RAB11FIP3: variants seen among roughly 807,000 people sequenced by gnomAD.
RAB11FIP3 encodes rab11 family-interacting protein 3.
RAB11FIP3 carries 17 observed loss-of-function variants against 77.8 expected under a neutral mutation model. The observed-to-expected ratio is 0.22, with a 90% CI of 0.15 to 0.33. The LOEUF is 0.33. Among genes scored for constraint, RAB11FIP3 ranks in the 10% least tolerant of loss-of-function variants. The pLI is 1.00. For synonymous variants in RAB11FIP3, 437 were observed against 448.2 expected, an observed-to-expected ratio of 0.98 and a Z score of 0.31; for missense variants, 1,005 against 1,011.2, an observed-to-expected ratio of 0.99 and a Z score of 0.08.
intron 1 of RAB11FIP3, chr16:439,287 T>G (rs952172536): frequency 2.0e-5 from 3 of 152,220 alleles, no homozygotes; most frequent in African/African-American, 7.2e-5. Flanking sequence ...CCGTCTGTCT[T>G]TCTGTCTGTT....
intron 9 of RAB11FIP3, among the ~76,000 whole-genome samples, chr16:513,959 T>C (rs1323486475): frequency 6.6e-6 from 1 of 152,174 alleles, no homozygotes; most frequent in Non-Finnish European, 1.5e-5. Context: ...AGGGAGCACC[T>C]CCCATGGGAC....
intron 1 of RAB11FIP3, among the ~76,000 whole-genome samples, chr16:436,562 A>C (rs999371795): frequency 6.6e-6 from 1 of 151,942 alleles, no homozygotes; most frequent in African/African-American, 2.4e-5. Context: ...GCTCACTGCA[A>C]GCTCCACCTC....
chr16:499,238 T>C (rs1398839703), intron 6 of RAB11FIP3, among the ~76,000 whole-genome samples: 7 of 152,006 alleles, frequency 4.6e-5, no homozygotes, highest in Non-Finnish European at 1.0e-4. Context: ...AAGAGAAGCA[T>C]TGAGCTCTTA....
intron 5 of RAB11FIP3, among the ~76,000 whole-genome samples, chr16:492,427 C>CGGGAGA (rs2030522723): frequency 2.1e-5 from 3 of 144,722 alleles, no homozygotes; most frequent in Non-Finnish European, 4.6e-5. Context: ...AGGGCCCTCC[C>CGGGAGA]CGGGAGACCC....
Position 520,896 on chromosome 16 carries a change from C to T in RAB11FIP3, c.*57C>T, listed in dbSNP as rs1280262861. The T allele has an allele frequency of 1.6e-5, 23 of 1,429,446 alleles. No individual in the cohort carries two copies. The highest frequency in any genetic ancestry group is 1.0e-4 in the South Asian group (9 of 87,140). The allele number at this position is 1,429,446 out of a possible 1,614,324, so 88.5% of individuals were successfully genotyped here. A position where few individuals can be genotyped will look rare whatever the true frequency, so the allele number is the denominator to read the frequency against. ...GGACTCCAACACCCTGGAGTGGTTCCGTCAGACCATGAGGAGCCAAGACCA... is the reference window on the plus strand; with the variant it reads ...GGACTCCAACACCCTGGAGTGGTTCTGTCAGACCATGAGGAGCCAAGACCA... On this transcript the variant is annotated 3_prime_UTR_variant, in exon 14 of 14. Transcript: ENST00000262305.
At chr16:517,544 C>T (rs1408968605) in intron 9 of RAB11FIP3, among the ~76,000 whole-genome samples, 1 of 151,876 alleles carries the variant, frequency 6.6e-6, no homozygotes, top group Non-Finnish European at 1.5e-5. Flanking sequence ...CTCTGGGTAA[C>T]AGAGCGAGAC....
chr16:502,947 G>A lies in RAB11FIP3; in HGVS notation c.1302-57G>A, dbSNP rs191369185. ...TTGACTTGGGAGTGCTTGTGCTGACGGAGCATGTCCTGTGGTTTTTCCCTT... is the reference window on the plus strand; with the variant it reads ...TTGACTTGGGAGTGCTTGTGCTGACAGAGCATGTCCTGTGGTTTTTCCCTT... On this transcript the variant is annotated intron_variant, in intron 6 of 13. Transcript: ENST00000262305. The A allele has an allele frequency of 8.6e-5, 117 of 1,368,192 alleles. No homozygotes were observed. The South Asian group carries it at 1.1e-3, about 13-fold the overall frequency. The allele number at this position is 1,368,192 out of a possible 1,614,324, so 84.8% of individuals were successfully genotyped here.
chr16:511,673 G>A (rs1355159893), intron 9 of RAB11FIP3, among the ~76,000 whole-genome samples: 2 of 121,732 alleles, frequency 1.6e-5, no homozygotes, highest in Admixed American at 1.6e-4. Context: ...TGCAGGCCAG[G>A]CAGGAGAGGT....
chr16:520,308 C>A, intron 12 of RAB11FIP3, 31 bp downstream of exon 12: 2 of 1,548,082 alleles, frequency 1.3e-6, no homozygotes, highest in Admixed American at 1.9e-5. Flanking sequence ...CTCCCTCACA[C>A]TCCTGCAGAA....
In RAB11FIP3 at chr16:507,542, C is replaced by T. The variant is rs1394427112; in HGVS notation, c.1499+1915C>T. ...AATCAGAGGCGTGAGCCACCATGTCCAGCCTAGATGCCTTTGTCGAGTTGA... is the reference window on the plus strand; with the variant it reads ...AATCAGAGGCGTGAGCCACCATGTCTAGCCTAGATGCCTTTGTCGAGTTGA... On this transcript the variant is annotated intron_variant, in intron 8 of 13. Coordinates refer to ENST00000262305, the MANE Select transcript of RAB11FIP3 (RefSeq NM_014700.4). The surrounding 1 kb of genome is among the most constrained non-coding windows in gnomAD (Gnocchi z 4.6). Among the ~76,000 whole-genome samples, 1 of 152,230 alleles carries T rather than the reference C, an allele frequency of 6.6e-6. No individual in the cohort carries two copies. Among genetic ancestry groups the T allele is most frequent in the African/African-American group, 2.4e-5 (1 of 41,452 alleles).
chr16:450,421 A>G (rs1003632639), intron 1 of RAB11FIP3, among the ~76,000 whole-genome samples: 6 of 152,164 alleles, frequency 3.9e-5, no homozygotes, highest in South Asian at 2.1e-4. Flanking sequence ...CCTGACCTCA[A>G]GTGATCCCCT....
At chr16:494,527 C>T (rs2030925511) in intron 5 of RAB11FIP3, among the ~76,000 whole-genome samples, 1 of 151,772 alleles carries the variant, frequency 6.6e-6, no homozygotes, top group African/African-American at 2.4e-5. Flanking sequence ...GAGGCTGAGG[C>T]CGGAGAATGG....
At chr16:470,828 G>A (rs1437637716) in intron 2 of RAB11FIP3, among the ~76,000 whole-genome samples, 2 of 152,138 alleles carry the variant, frequency 1.3e-5, no homozygotes, top group Non-Finnish European at 2.9e-5. Context: ...AAAACTGCGC[G>A]TGAACCCAGC....
In RAB11FIP3 at chr16:499,551, A is replaced by G. The variant is rs375687182; in HGVS notation, c.1301+2692A>G. Among the ~76,000 whole-genome samples, 49 of 152,316 alleles carry G rather than the reference A, an allele frequency of 3.2e-4. 2 individuals carry two copies. Among genetic ancestry groups the G allele is most frequent in the African/African-American group, 9.6e-4 (40 of 41,574 alleles). ...AGTGGCTCACGCCTGTAATCCCAGC[A>G]CATTGGGAAGCCAAGGTGGGTGGAT... On this transcript the variant is annotated intron_variant, in intron 6 of 13. Transcript: ENST00000262305.
chr16:473,963 C>A (rs1055675125), intron 3 of RAB11FIP3, among the ~76,000 whole-genome samples: 5 of 152,216 alleles, frequency 3.3e-5, no homozygotes, highest in Non-Finnish European at 4.4e-5. Flanking sequence ...TTTTCAGATG[C>A]GCCTCTTTCC....
At chr16:497,979 A>G (rs1432021156) in intron 6 of RAB11FIP3, among the ~76,000 whole-genome samples, 4 of 151,798 alleles carry the variant, frequency 2.6e-5, no homozygotes, top group Non-Finnish European at 5.9e-5. Flanking sequence ...ATTAAAAAAA[A>G]AAAAGGAAAA....
chr16:458,935 C>G (rs2055556134), intron 1 of RAB11FIP3, among the ~76,000 whole-genome samples: 1 of 152,096 alleles, frequency 6.6e-6, no homozygotes. Flanking sequence ...GGTACCCATC[C>G]CCAGTCACAG....
chr16:489,109 A>T, intron 5 of RAB11FIP3, 109 bp downstream of exon 5: 1 of 1,291,888 alleles, frequency 7.7e-7, no homozygotes. Flanking sequence ...GCTTTCCTTG[A>T]CGTCATGTGA....
At chr16:510,459 T>G in intron 8 of RAB11FIP3, 6 of 572,420 alleles carry the variant, frequency 1.0e-5, no homozygotes, top group Non-Finnish European at 1.5e-5. Context: ...CCAGGTGCCT[T>G]TAGTGTGGGA....
Sources: gnomAD v4.1 joint callset for allele counts (sites outside exome capture counted in the v4.1 genomes callset) on GRCh38, gnomAD v4.1.1 for gene constraint, Gnocchi (gnomAD v3.1) non-coding constraint, MANE v1.5 for transcripts, NCBI Gene and HGNC (gene_info 2026-07-23, HGNC 2026-07-21) for gene names.